MRC1: variants seen among roughly 807,000 people sequenced by gnomAD.
MRC1 encodes mannose receptor C-type 1.
In MRC1, 62 loss-of-function variants were observed where a neutral mutation model predicts 102.9. The observed-to-expected ratio is 0.60, with a 90% confidence interval of 0.49 to 0.74. The LOEUF (loss-of-function observed/expected upper bound fraction) is 0.74. Ranked by LOEUF, MRC1 falls within the 30% of genes least tolerant of loss-of-function variation. MRC1 has a pLI of 0.00. For missense variants in MRC1, 1,237 were observed against 862.8 expected (o/e 1.43, Z -5.43); for synonymous variants, 457 against 298.4 (o/e 1.53, Z -5.48).
At chr10:17,886,315 CCCTCCT>C (rs1589191787) in intron 22 of MRC1, among the ~76,000 whole-genome samples, 57 of 150,088 alleles carry the variant, frequency 3.8e-4, no homozygotes, top group African/African-American at 1.0e-3. Context: ...TTCCTTCCTT[CCCTCCT>C]TCCTTCCTTC....
At chr10:17,858,216 T>A (rs1473316734) in intron 9 of MRC1, among the ~76,000 whole-genome samples, 1 of 152,198 alleles carries the variant, frequency 6.6e-6, no homozygotes, top group East Asian at 1.9e-4. Flanking sequence ...GGATTGATGG[T>A]TGTTTTCTGA....
At chr10:17,814,832 T>G (rs1022504923) in intron 1 of MRC1, among the ~76,000 whole-genome samples, 13 of 151,784 alleles carry the variant, frequency 8.6e-5, no homozygotes, top group African/African-American at 3.1e-4. Context: ...GCCAGGCTAA[T>G]TTTTGTATTT....
At chr10:17,855,324 C>A (rs1211995355) in intron 8 of MRC1, among the ~76,000 whole-genome samples, 1 of 152,114 alleles carries the variant, frequency 6.6e-6, no homozygotes, top group Non-Finnish European at 1.5e-5. Flanking sequence ...GTGATCCCAG[C>A]ACTTTGGGAG....
In MRC1 at chr10:17,898,189, C is replaced by A; in HGVS notation, c.3406C>A (p.Pro1136Thr). The change falls in exon 24 of 30, where the codon CCC becomes ACC. Residue 1136 changes from proline to threonine, a missense_variant. Physicochemically the swap from Pro to Thr is conservative, Grantham distance 38. Coordinates refer to ENST00000569591, the MANE Select transcript of MRC1 (RefSeq NM_002438.4). ...HNSLIASILDPYSNAFAWLQM... is the reference protein window; with the variant it reads ...HNSLIASILDTYSNAFAWLQM... Reference sequence around the variant, plus strand: ...TTCCCTTATAGCCAGCATTCTGGATCCCTACAGTAATGCATTTGCGTGGCT... The same window carrying A: ...TTCCCTTATAGCCAGCATTCTGGATACCTACAGTAATGCATTTGCGTGGCT... 1 of 780,820 alleles carries A rather than the reference C, an allele frequency of 1.3e-6. No homozygotes were observed. 48.4% of individuals were successfully genotyped at this position (780,820 alleles called of 1,614,324 possible).
chr10:17,898,709 C>T (rs1023638238), intron 24 of MRC1, among the ~76,000 whole-genome samples: 8 of 152,094 alleles, frequency 5.3e-5, no homozygotes, highest in African/African-American at 1.7e-4. Context: ...GTGGAGCTCC[C>T]ATCCATTTGT....
At chr10:17,909,565 A>ATT (rs542028706) in intron 29 of MRC1, among the ~76,000 whole-genome samples, 5 of 146,306 alleles carry the variant, frequency 3.4e-5, no homozygotes, top group Non-Finnish European at 7.6e-5. Context: ...TATTGAAGGC[A>ATT]TTTTTTTTTT....
At chr10:17,901,188 A>G (rs1359314125) in intron 25 of MRC1, among the ~76,000 whole-genome samples, 1 of 152,210 alleles carries the variant, frequency 6.6e-6, no homozygotes, top group Non-Finnish European at 1.5e-5. Context: ...CAACACATCT[A>G]TATCAAAGGA....
intron 1 of MRC1, among the ~76,000 whole-genome samples, chr10:17,816,497 C>T (rs1838315386): frequency 1.3e-5 from 2 of 152,132 alleles, no homozygotes; most frequent in Non-Finnish European, 2.9e-5. Context: ...TTAGAGCCGT[C>T]AGCGGTTCTC....
intron 22 of MRC1, among the ~76,000 whole-genome samples, chr10:17,892,954 G>C (rs1373130855): frequency 6.7e-6 from 1 of 150,066 alleles, no homozygotes; most frequent in Non-Finnish European, 1.5e-5. Flanking sequence ...AGGTTGCAGT[G>C]AGCCAGGATT....
intron 16 of MRC1, among the ~76,000 whole-genome samples, chr10:17,874,301 C>T (rs1026930954): frequency 0.011 from 1,692 of 152,274 alleles, 21 homozygotes; most frequent in Non-Finnish European, 0.017. Context: ...TCTATGAACT[C>T]ATCAGCTCAT....
intron 22 of MRC1, among the ~76,000 whole-genome samples, chr10:17,886,344 T>C (rs797038989): frequency 0.89 from 131,022 of 147,716 alleles, 58,147 homozygotes; most frequent in Non-Finnish European, 0.91. Context: ...TCCTTCTTCT[T>C]TCCCTCCCTC....
rs889600381 is a variant in MRC1, at chr10:17,901,527, A to G, written c.3650-446A>G. On this transcript the variant is annotated intron_variant, in intron 25 of 29. Transcript: ENST00000569591. ...AACATGGTGAAACCCCTTCTCTACT[A>G]AAAATACAAAAACTAGCTGGGTCTG... Among the ~76,000 whole-genome samples, 1,139 of 152,078 alleles carry G rather than the reference A, an allele frequency of 7.5e-3. 14 individuals carry two copies. Among genetic ancestry groups the G allele is most frequent in the African/African-American group, 0.025 (1,038 of 41,466 alleles).
intron 6 of MRC1, 23 bp from the exon 7 acceptor site, chr10:17,849,556 C>A: frequency 1.5e-6 from 1 of 671,782 alleles, no homozygotes; most frequent in Non-Finnish European, 2.7e-6. Flanking sequence ...AAATTTTTTT[C>A]CGACCCCCCT....
At chr10:17,885,166 A>G (rs1385133532) in intron 21 of MRC1, 103 bp from the exon 22 acceptor site, 2 of 759,382 alleles carry the variant, frequency 2.6e-6, no homozygotes, top group East Asian at 4.9e-5. Context: ...CAATGACACA[A>G]GTCACATGCT....
intron 1 of MRC1, among the ~76,000 whole-genome samples, chr10:17,813,317 G>C (rs1838253501): frequency 6.6e-6 from 1 of 152,168 alleles, no homozygotes; most frequent in Non-Finnish European, 1.5e-5. Flanking sequence ...TTCTGACATA[G>C]ACATCACGCT....
intron 10 of MRC1, among the ~76,000 whole-genome samples, chr10:17,862,383 T>A (rs1833197577): frequency 6.6e-6 from 1 of 152,188 alleles, no homozygotes; most frequent in East Asian, 1.9e-4. Context: ...AGAACGTAGG[T>A]ACTTTTTATC....
intron 24 of MRC1, among the ~76,000 whole-genome samples, chr10:17,900,526 A>T (rs1196421881): frequency 9.2e-5 from 14 of 151,774 alleles, no homozygotes; most frequent in East Asian, 3.8e-4. Flanking sequence ...TAAGAGATAA[A>T]TTTTTTTTTA....
At chr10:17,867,260 T>TTCC (rs1217914381) in intron 12 of MRC1, among the ~76,000 whole-genome samples, 1 of 140,964 alleles carries the variant, frequency 7.1e-6, no homozygotes, top group African/African-American at 2.6e-5. Flanking sequence ...CCCTTTCCCC[T>TTCC]TCCTCCTCCT....
intron 1 of MRC1, among the ~76,000 whole-genome samples, chr10:17,809,730 A>T (rs2130562558): frequency 6.6e-6 from 1 of 152,178 alleles, no homozygotes; most frequent in African/African-American, 2.4e-5. Flanking sequence ...AGGGAGGAGG[A>T]TGCGTCTCAG....
Sources: gnomAD v4.1 joint callset for allele counts (sites outside exome capture counted in the v4.1 genomes callset) on GRCh38, gnomAD v4.1.1 for gene constraint, MANE v1.5 for transcripts, NCBI Gene and HGNC (gene_info 2026-07-23, HGNC 2026-07-21) for gene names.